The following GPBP1L1 variants were observed in gnomAD, a reference collection of about 807,000 sequenced individuals.
The protein encoded by GPBP1L1 is vasculin-like protein 1.
GPBP1L1 carries 23 observed loss-of-function variants against 52.5 expected under a neutral mutation model. The observed-to-expected ratio is 0.44, with a 90% CI of 0.32 to 0.62. The LOEUF (loss-of-function observed/expected upper bound fraction) is 0.62. Among genes scored for constraint, GPBP1L1 ranks in the 20% least tolerant of loss-of-function variants. The probability of loss-of-function intolerance (pLI) is 0.06; values close to 1 mark genes in which losing one functional copy is unlikely to be tolerated. For missense variants in GPBP1L1, 596 were observed against 579.3 expected (o/e 1.03, Z -0.30); for synonymous variants, 243 against 203.1 (o/e 1.20, Z -1.67).
At chr1:45,662,970 G>T (rs1281570516) in intron 2 of GPBP1L1, among the ~76,000 whole-genome samples, 1 of 149,802 alleles carries the variant, frequency 6.7e-6, no homozygotes, top group Non-Finnish European at 1.5e-5. Flanking sequence ...AGAATAACTT[G>T]AATCCGGGAG....
At chr1:45,631,765 A>T (rs898780784) in intron 10 of GPBP1L1, among the ~76,000 whole-genome samples, 2 of 152,162 alleles carry the variant, frequency 1.3e-5, no homozygotes, top group African/African-American at 4.8e-5. Context: ...TGTACCAAAC[A>T]AAATATTAGC....
chr1:45,656,303 T>G (rs1220216362), intron 4 of GPBP1L1: 1 of 152,216 alleles, frequency 6.6e-6, no homozygotes, highest in Non-Finnish European at 1.5e-5. Context: ...TATGACATTC[T>G]TAAATGATAG....
rs181427044 is a variant in GPBP1L1, at chr1:45,628,108, G to A, written c.*148C>T. On this transcript the variant is annotated 3_prime_UTR_variant, in exon 13 of 13. Transcript: ENST00000355105. ...AAGAACAATAACAAAAGCAAAACAA[G>A]CCAATTGCTCTCTCTTTGGGATATG... is the stretch of plus-strand genomic sequence containing the variant. 2.5e-5 allele frequency: 20 copies of A among 799,810 alleles called. No homozygotes were observed. In the East Asian group the frequency reaches 4.9e-4, roughly 20 times the overall value. 49.5% of individuals were successfully genotyped at this position (799,810 alleles called of 1,614,324 possible). A position where few individuals can be genotyped will look rare whatever the true frequency, so the allele number is the denominator to read the frequency against.
chr1:45,682,451 G>A (rs906992406), intron 2 of GPBP1L1, among the ~76,000 whole-genome samples: 2 of 152,100 alleles, frequency 1.3e-5, no homozygotes, highest in African/African-American at 2.4e-5. Context: ...GTTAACAAAA[G>A]GCAAAGTGGT....
chr1:45,661,577 T>G (rs1477167480), intron 2 of GPBP1L1, among the ~76,000 whole-genome samples: 3 of 151,904 alleles, frequency 2.0e-5, no homozygotes, highest in Non-Finnish European at 4.4e-5. Flanking sequence ...TGCCTCAGCC[T>G]CCTGAGTAGC....
chr1:45,632,311 G>A (rs1644540828), intron 10 of GPBP1L1, among the ~76,000 whole-genome samples: 1 of 152,216 alleles, frequency 6.6e-6, no homozygotes, highest in African/African-American at 2.4e-5. Flanking sequence ...GCTGAGGCAG[G>A]AGAACTGCTT....
intron 2 of GPBP1L1, among the ~76,000 whole-genome samples, chr1:45,673,800 A>C (rs1370439641): frequency 6.6e-6 from 1 of 152,230 alleles, no homozygotes; most frequent in Admixed American, 6.5e-5. Context: ...CAGAGGTTGC[A>C]CTGAGCCAAG....
rs146327233 is a variant in GPBP1L1 at position 45,634,348 on chromosome 1, G to A, written c.745-112C>T. The A allele has an allele frequency of 3.1e-5, 34 of 1,105,528 alleles. No homozygotes were observed. In the East Asian group the frequency reaches 8.6e-4, roughly 28 times the overall value. The allele number at this position is 1,105,528 out of a possible 1,614,324, so 68.5% of individuals were successfully genotyped here. On this transcript the variant is annotated intron_variant, in intron 8 of 12. Coordinates refer to ENST00000355105, the MANE Select transcript of GPBP1L1 (RefSeq NM_021639.5). The stretch of plus-strand genomic sequence containing the variant: ...TTACATGAGAACATAAGTTTCCAGG[G>A]CTTACCTGTCTTAACATGTTTGGGA...
intron 8 of GPBP1L1, among the ~76,000 whole-genome samples, chr1:45,637,281 A>G (rs1644605266): frequency 6.6e-6 from 1 of 152,188 alleles, no homozygotes; most frequent in South Asian, 2.1e-4. Flanking sequence ...ATAAATCAAC[A>G]TCTGCTTATT....
chr1:45,646,090 G>A (rs537051415), intron 6 of GPBP1L1: 8 of 456,612 alleles, frequency 1.8e-5, no homozygotes, highest in Admixed American at 9.9e-5. Context: ...ACAGCTAGAA[G>A]TTGGACAATG....
intron 2 of GPBP1L1, among the ~76,000 whole-genome samples, chr1:45,669,112 T>TA (rs1186711427): frequency 6.6e-6 from 1 of 152,216 alleles, no homozygotes; most frequent in Admixed American, 6.5e-5. Flanking sequence ...ATAAAACAAT[T>TA]AAAAAGCATT....
intron 2 of GPBP1L1, among the ~76,000 whole-genome samples, chr1:45,678,331 G>A (rs890694857): frequency 5.9e-5 from 9 of 152,108 alleles, no homozygotes; most frequent in African/African-American, 2.2e-4. Flanking sequence ...CAAAAATTAA[G>A]ACCAACGATT....
chr1:45,651,848 A>C, intron 6 of GPBP1L1: 1 of 243,062 alleles, frequency 4.1e-6, no homozygotes, highest in South Asian at 1.2e-4. Flanking sequence ...GGAGGAGAAG[A>C]AATCTTATTT....
intron 6 of GPBP1L1, among the ~76,000 whole-genome samples, chr1:45,654,108 T>C (rs969283476): frequency 3.3e-5 from 5 of 152,172 alleles, no homozygotes; most frequent in African/African-American, 1.2e-4. Flanking sequence ...CACAATAACA[T>C]CAAGTGTTAC....
intron 8 of GPBP1L1, among the ~76,000 whole-genome samples, chr1:45,636,723 A>G (rs1031049866): frequency 3.3e-5 from 5 of 152,236 alleles, no homozygotes; most frequent in Admixed American, 1.3e-4. Flanking sequence ...TTTACTGTCA[A>G]GAAGAGTTTA....
chr1:45,639,239 GAC>G (rs1347698456), intron 8 of GPBP1L1, among the ~76,000 whole-genome samples: 2 of 152,182 alleles, frequency 1.3e-5, no homozygotes, highest in Admixed American at 6.5e-5. Context: ...AGTTCTGTAG[GAC>G]ACAGAGACAT....
In GPBP1L1 at chr1:45,656,616, C is replaced by T. The variant is rs181599931; in HGVS notation, c.61-1297G>A. ...CAAAAACACAACACTATCACTTCCC[C>T]ATTGAATTACCTTTGTACTTTAGTC... On this transcript the variant is annotated intron_variant, in intron 4 of 12. Coordinates refer to ENST00000355105, the MANE Select transcript of GPBP1L1 (RefSeq NM_021639.5). Among the ~76,000 whole-genome samples, 295 of 152,104 alleles carry T rather than the reference C, an allele frequency of 1.9e-3. 3 individuals are homozygous for T. The highest frequency in any genetic ancestry group is 0.016 in the South Asian group (78 of 4,810).
intron 6 of GPBP1L1, among the ~76,000 whole-genome samples, chr1:45,650,124 TG>T (rs1644802958): frequency 6.6e-6 from 1 of 152,182 alleles, no homozygotes; most frequent in Admixed American, 6.6e-5. Context: ...TTGGGGAAGA[TG>T]AAAAAGCTGT....
chr1:45,656,729 G>A (rs766908398), intron 4 of GPBP1L1, among the ~76,000 whole-genome samples: 26 of 149,752 alleles, frequency 1.7e-4, no homozygotes, highest in African/African-American at 5.7e-4. Flanking sequence ...ACAGTAGCCC[G>A]ATCACAGCTC....
Sources: allele counts gnomAD v4.1 joint callset (sites outside exome capture counted in the v4.1 genomes callset), GRCh38; gene constraint gnomAD v4.1.1; transcripts MANE v1.5; gene names NCBI Gene and HGNC (gene_info 2026-07-23, HGNC 2026-07-21).